FTO: variants seen among roughly 807,000 people sequenced by gnomAD.
The protein encoded by FTO is alpha-ketoglutarate-dependent dioxygenase FTO.
A neutral mutation model predicts 63.9 loss-of-function variants in FTO; 47 were observed. That is an observed-to-expected ratio of 0.74 (90% CI 0.58 to 0.94). The LOEUF is 0.94. Among genes scored for constraint, FTO ranks in the 40% least tolerant of loss-of-function variants. The pLI is 0.00. For synonymous variants in FTO, 207 were observed against 224.4 expected (o/e 0.92, Z 0.69); for missense variants, 562 against 618.1 (o/e 0.91, Z 0.96).
intron 3 of FTO, among the ~76,000 whole-genome samples, chr16:53,828,528 G>T (rs2079069461): frequency 6.6e-6 from 1 of 152,166 alleles, no homozygotes; most frequent in South Asian, 2.1e-4. Flanking sequence ...CTTAACTGCA[G>T]AAATTCTCAG....
chr16:53,714,405 T>C (rs1409786323), intron 1 of FTO, among the ~76,000 whole-genome samples: 1 of 152,210 alleles, frequency 6.6e-6, no homozygotes, highest in Non-Finnish European at 1.5e-5. Flanking sequence ...TGCATTAATA[T>C]GGATTTTCTA....
chr16:54,100,031 G>A (rs2086602805), intron 8 of FTO, among the ~76,000 whole-genome samples: 2 of 152,170 alleles, frequency 1.3e-5, no homozygotes, highest in Admixed American at 1.3e-4. Context: ...TTCACCAACT[G>A]GCCTGATCTT....
At chr16:54,029,046 A>G (rs751776134) in intron 8 of FTO, among the ~76,000 whole-genome samples, 18 of 152,200 alleles carry the variant, frequency 1.2e-4, no homozygotes, top group Non-Finnish European at 2.1e-4. Flanking sequence ...TGTCAATAAA[A>G]TATGATTCTA....
At chr16:53,836,330 G>T (rs2079292307) in intron 3 of FTO, among the ~76,000 whole-genome samples, 1 of 152,162 alleles carries the variant, frequency 6.6e-6, no homozygotes, top group African/African-American at 2.4e-5. Flanking sequence ...CTCCCTTCCA[G>T]TGTCTGCTTC....
At chr16:54,060,155 T>C (rs1358131904) in intron 8 of FTO, among the ~76,000 whole-genome samples, 1 of 152,166 alleles carries the variant, frequency 6.6e-6, no homozygotes, top group African/African-American at 2.4e-5. Flanking sequence ...GCCTTGAGAA[T>C]TAAGGATAGT....
At chr16:54,057,284 T>C (rs2085458294) in intron 8 of FTO, among the ~76,000 whole-genome samples, 1 of 152,238 alleles carries the variant, frequency 6.6e-6, no homozygotes, top group Admixed American at 6.5e-5. Flanking sequence ...TGGAGCTGGC[T>C]GACCACTGTG....
chr16:54,109,352 A>G (rs1414290200), intron 8 of FTO, among the ~76,000 whole-genome samples: 1 of 152,022 alleles, frequency 6.6e-6, no homozygotes, highest in Non-Finnish European at 1.5e-5. Context: ...CTTCTTTTGG[A>G]AAGAGTCTTG....
intron 8 of FTO, among the ~76,000 whole-genome samples, chr16:54,064,726 G>C (rs1006753832): frequency 2.0e-5 from 3 of 152,110 alleles, no homozygotes; most frequent in African/African-American, 7.2e-5. Flanking sequence ...GAACACGTTG[G>C]TAATGGGATG....
At position 53,823,767 on chromosome 16, in the gene FTO, T is replaced by G. The variant is rs184607937; in HGVS notation, c.124-2097T>G. Reference sequence around the variant, plus strand: ...CAGGTGTGGTGGCGCATGCCTGTAATCTCAGCTACTCGGGCGGCTGAGGCA... The same window carrying G: ...CAGGTGTGGTGGCGCATGCCTGTAAGCTCAGCTACTCGGGCGGCTGAGGCA... On this transcript the variant is annotated intron_variant, in intron 2 of 8. Transcript: ENST00000471389. 5.3e-4 allele frequency among the ~76,000 whole-genome samples: 81 copies of G among 152,248 alleles called. No homozygotes were observed. In the East Asian group the frequency reaches 7.5e-3, roughly 14 times the overall value.
intron 4 of FTO, among the ~76,000 whole-genome samples, chr16:53,851,419 A>G (rs535892325): frequency 6.6e-6 from 1 of 151,636 alleles, no homozygotes; most frequent in Admixed American, 6.6e-5. Flanking sequence ...AGATTGCACC[A>G]CTGCACTCCA....
At chr16:53,952,675 A>G (rs1000471351) in intron 8 of FTO, among the ~76,000 whole-genome samples, 4 of 152,236 alleles carry the variant, frequency 2.6e-5, no homozygotes, top group Non-Finnish European at 5.9e-5. Flanking sequence ...GAGTTAACCT[A>G]TGAAAATTAA....
chr16:53,923,746 G>C (rs889299401), intron 7 of FTO, among the ~76,000 whole-genome samples: 1 of 150,744 alleles, frequency 6.6e-6, no homozygotes, highest in Non-Finnish European at 1.5e-5. Flanking sequence ...AAACACCAGC[G>C]TTGCCAACTG....
At chr16:54,080,389 T>C (rs1324620594) in intron 8 of FTO, among the ~76,000 whole-genome samples, 1 of 152,188 alleles carries the variant, frequency 6.6e-6, no homozygotes, top group Non-Finnish European at 1.5e-5. Flanking sequence ...TGCTATACAT[T>C]TTGCATTCAC....
At chr16:54,012,128 C>T (rs145374822) in intron 8 of FTO, among the ~76,000 whole-genome samples, 247 of 152,232 alleles carry the variant, frequency 1.6e-3, no homozygotes, top group African/African-American at 5.7e-3. Context: ...GTTGTGAATG[C>T]AGAGAGAAAG....
At chr16:53,873,946 G>C in intron 5 of FTO, 81 bp downstream of exon 5, 1 of 1,064,354 alleles carries the variant, frequency 9.4e-7, no homozygotes, top group South Asian at 1.3e-5. Context: ...ATAGAGCTTT[G>C]GAAGAGTATT....
chr16:54,060,230 A>C (rs1404007317), intron 8 of FTO, among the ~76,000 whole-genome samples: 1 of 152,198 alleles, frequency 6.6e-6, no homozygotes, highest in Admixed American at 6.5e-5. Context: ...GTGGACTACA[A>C]ATTTTCCACT....
At chr16:54,019,454 G>A (rs74698207) in intron 8 of FTO, among the ~76,000 whole-genome samples, 2,283 of 152,292 alleles carry the variant, frequency 0.015, 34 homozygotes, top group Non-Finnish European at 0.024. Flanking sequence ...TTTAGTAACA[G>A]TTGATGCATT....
At chr16:53,830,366 C>T (rs550135771) in intron 3 of FTO, among the ~76,000 whole-genome samples, 11 of 152,090 alleles carry the variant, frequency 7.2e-5, no homozygotes, top group Admixed American at 2.0e-4. Flanking sequence ...CGAACTTTAG[C>T]GGGGAAGGCA....
At chr16:53,965,507 C>A (rs1358689054) in intron 8 of FTO, among the ~76,000 whole-genome samples, 1 of 152,142 alleles carries the variant, frequency 6.6e-6, no homozygotes, top group Non-Finnish European at 1.5e-5. Flanking sequence ...AGTAATCACC[C>A]TTCCCCACCC....
Sources: allele counts gnomAD v4.1 joint callset (sites outside exome capture counted in the v4.1 genomes callset), GRCh38; gene constraint gnomAD v4.1.1; transcripts MANE v1.5; gene names NCBI Gene and HGNC (gene_info 2026-07-23, HGNC 2026-07-21).